The following DCC variants were observed in gnomAD, a reference collection of about 807,000 sequenced individuals.
The protein encoded by DCC is netrin receptor DCC.
Under a neutral mutation model 172.5 loss-of-function variants are expected in DCC, and 58 were observed. The ratio of observed to expected loss-of-function variants is 0.34; its 90% CI spans 0.27 to 0.42. The LOEUF (loss-of-function observed/expected upper bound fraction) is 0.42. Among genes scored for constraint, DCC ranks in the 10% least tolerant of loss-of-function variants. The probability of loss-of-function intolerance (pLI) is 1.00; values close to 1 mark genes in which losing one functional copy is unlikely to be tolerated. For missense variants in DCC, 1,740 were observed against 1,791.0 expected, an observed-to-expected ratio of 0.97 and a Z score of 0.51; for synonymous variants, 709 against 644.5, an observed-to-expected ratio of 1.10 and a Z score of -1.52.
At chr18:52,593,212 C>T (rs1169994796) in intron 1 of DCC, among the ~76,000 whole-genome samples, 1 of 152,126 alleles carries the variant, frequency 6.6e-6, no homozygotes, top group Non-Finnish European at 1.5e-5. Context: ...CTTCTCTGAA[C>T]CATTTTCCAA....
intron 12 of DCC, among the ~76,000 whole-genome samples, chr18:53,300,066 G>A (rs1002666010): frequency 2.0e-5 from 3 of 152,182 alleles, no homozygotes; most frequent in East Asian, 1.9e-4. Context: ...GGATCTCAGT[G>A]CGATAGTATT....
intron 13 of DCC, among the ~76,000 whole-genome samples, chr18:53,307,835 T>C (rs2057217493): frequency 6.9e-6 from 1 of 144,336 alleles, no homozygotes; most frequent in African/African-American, 2.5e-5. Context: ...ATGTAAACTC[T>C]CATATACTGC....
At chr18:53,154,428 A>G (rs2054695059) in intron 7 of DCC, among the ~76,000 whole-genome samples, 1 of 152,142 alleles carries the variant, frequency 6.6e-6, no homozygotes. Context: ...CCAGCAAGCT[A>G]ATTAAGAAGT....
chr18:53,462,062 G>A lies in DCC; in HGVS notation c.3619+2604G>A, dbSNP rs114422162. On this transcript the variant is annotated intron_variant, in intron 24 of 28. Coordinates refer to ENST00000442544, the MANE Select transcript of DCC (RefSeq NM_005215.4). ...TGGAGTGAAGAGGGAGGGGAGGTGA[G>A]GATAAAGAGAAGAAAGTACCATTTG... Among the ~76,000 whole-genome samples, 673 of 152,234 alleles carry A rather than the reference G, an allele frequency of 4.4e-3. 6 individuals carry two copies. The highest frequency in any genetic ancestry group is 0.014 in the African/African-American group (596 of 41,536).
chr18:52,752,245 G>A lies in DCC; in HGVS notation c.283G>A (p.Gly95Arg). Residue 95 changes from glycine (G) to arginine (R), a missense_variant, in exon 2 of 29, where the codon GGG (glycine) becomes AGG (arginine). Gly to Arg is a moderately radical substitution (Grantham distance 125). Around this residue, in one of 2 missense-constraint regions of DCC, gnomAD observed 1,732 missense variants for 1,767.4 expected, o/e 0.98. Transcript: ENST00000442544. ...MDERKQQLSN[G>R]SLLIQNILHS... is the part of the protein sequence containing the mutation. Reference sequence around the variant, plus strand: ...TGAAAGGAAGCAGCAACTTTCAAATGGGTCTCTGCTGATACAAAACATACT... The same window carrying A: ...TGAAAGGAAGCAGCAACTTTCAAATAGGTCTCTGCTGATACAAAACATACT... 1.2e-6 allele frequency: 2 copies of A among 1,614,160 alleles called. No individual in the cohort carries two copies. The highest frequency in any genetic ancestry group is 1.7e-6 in the Non-Finnish European group (2 of 1,180,024).
intron 15 of DCC, among the ~76,000 whole-genome samples, chr18:53,378,253 C>T (rs1907454117): frequency 6.6e-6 from 1 of 152,110 alleles, no homozygotes; most frequent in South Asian, 2.1e-4. Flanking sequence ...GAGCCCGACC[C>T]TGATTTTCTT....
At chr18:52,802,692 C>A (rs1301022449) in intron 2 of DCC, among the ~76,000 whole-genome samples, 1 of 95,518 alleles carries the variant, frequency 1.0e-5, no homozygotes, top group Non-Finnish European at 1.9e-5. Context: ...TTAATGGAGA[C>A]ACAGGGTCTC....
intron 2 of DCC, among the ~76,000 whole-genome samples, chr18:52,884,594 C>A (rs1389872310): frequency 1.3e-5 from 2 of 152,062 alleles, no homozygotes; most frequent in Non-Finnish European, 2.9e-5. Context: ...TTCTGAATTT[C>A]TTTGCGGTGT....
intron 2 of DCC, among the ~76,000 whole-genome samples, chr18:52,785,531 CAT>C (rs1289807583): frequency 6.6e-6 from 1 of 151,870 alleles, no homozygotes; most frequent in Non-Finnish European, 1.5e-5. Flanking sequence ...AAAGGGGTAT[CAT>C]GTGGGGAAAA....
At chr18:53,081,521 G>GA (rs879788004) in intron 7 of DCC, among the ~76,000 whole-genome samples, 62 of 140,186 alleles carry the variant, frequency 4.4e-4, no homozygotes, top group South Asian at 1.1e-3. Context: ...GGATTAAAAA[G>GA]AAAAAAAAAA....
chr18:53,266,149 C>T (rs1489520028), intron 12 of DCC, among the ~76,000 whole-genome samples: 1 of 152,134 alleles, frequency 6.6e-6, no homozygotes, highest in East Asian at 1.9e-4. Context: ...TTATGTTTTA[C>T]TTCTTTTGTC....
At chr18:52,751,221 T>A (rs2036989325) in intron 1 of DCC, among the ~76,000 whole-genome samples, 1 of 152,244 alleles carries the variant, frequency 6.6e-6, no homozygotes. Context: ...AATGACCTCC[T>A]GAAACCTTGT....
intron 2 of DCC, among the ~76,000 whole-genome samples, chr18:52,879,411 G>GTTTTTTTTT (rs1568164319): frequency 4.2e-4 from 19 of 44,942 alleles, no homozygotes; most frequent in Admixed American, 5.8e-4. Flanking sequence ...ATGTTGTTTG[G>GTTTTTTTTT]CTTTTTTTTT....
intron 2 of DCC, among the ~76,000 whole-genome samples, chr18:52,836,396 G>T (rs896683039): frequency 6.6e-6 from 1 of 152,136 alleles, no homozygotes; most frequent in Admixed American, 6.5e-5. Flanking sequence ...CTGAGGTAAG[G>T]CAAGTCCCTT....
chr18:52,358,885 C>A (rs1357090917), intron 1 of DCC, among the ~76,000 whole-genome samples: 1 of 152,174 alleles, frequency 6.6e-6, no homozygotes, highest in African/African-American at 2.4e-5. Flanking sequence ...TAGAACGTTT[C>A]CAGTGCCTGA....
chr18:53,158,984 A>AAAGTCTG, intron 8 of DCC, among the ~76,000 whole-genome samples: 2 of 136,830 alleles, frequency 1.5e-5, no homozygotes, highest in Non-Finnish European at 3.1e-5. Flanking sequence ...CAGAGACGCC[A>AAAGTCTG]TCTCAAAAAA....
At chr18:52,428,059 G>C (rs1987500843) in intron 1 of DCC, among the ~76,000 whole-genome samples, 1 of 151,996 alleles carries the variant, frequency 6.6e-6, no homozygotes, top group Admixed American at 6.6e-5. Flanking sequence ...CTGGCATTTT[G>C]AATGCTACTG....
chr18:53,148,635 C>G (rs181368765), intron 7 of DCC, among the ~76,000 whole-genome samples: 1 of 151,778 alleles, frequency 6.6e-6, no homozygotes, highest in Admixed American at 6.5e-5. Flanking sequence ...TAAGAAAATA[C>G]AAAGAGAAAA....
intron 7 of DCC, among the ~76,000 whole-genome samples, chr18:53,145,559 C>T (rs1307587970): frequency 6.6e-6 from 1 of 152,118 alleles, no homozygotes; most frequent in Non-Finnish European, 1.5e-5. Context: ...GTGCCTTAAT[C>T]TTGGGCTTCC....
Sources: gnomAD v4.1 joint callset for allele counts (sites outside exome capture counted in the v4.1 genomes callset) on GRCh38, gnomAD v4.1.1 for gene constraint, gnomAD v4.1.1 regional missense constraint, MANE v1.5 for transcripts, NCBI Gene and HGNC (gene_info 2026-07-23, HGNC 2026-07-21) for gene names.